Variants in KDM5C observed in about 807,000 individuals in gnomAD.
The protein encoded by KDM5C is lysine demethylase 5C.
In KDM5C, 16 loss-of-function variants were observed where a neutral mutation model predicts 110.6. That is an observed-to-expected ratio of 0.14 (90% CI 0.10 to 0.22). The LOEUF is 0.22. KDM5C is among the 10% of genes least tolerant of loss of function. The pLI, the probability that KDM5C is intolerant of heterozygous loss-of-function variation, is 1.00. For synonymous variants in KDM5C, 511 were observed against 520.4 expected (o/e 0.98, Z 0.24); for missense variants, 681 against 1,300.9 (o/e 0.52, Z 7.33).
At position 53,196,646 on chromosome X, in the gene KDM5C, T is replaced by C. The variant is rs782202700; in HGVS notation, c.2981+40A>G. ...CTGGGTCTCCACTCAACTTTGATGT[T>C]TGGAATAGGGCAGGGAAGGGAAGCA... On this transcript the variant is annotated intron_variant, in intron 19 of 25. Transcript: ENST00000375401. The C allele has an allele frequency of 2.5e-5, 28 of 1,131,108 alleles. No individual in the cohort carries two copies. The East Asian group carries it at 3.6e-4, about 15-fold the overall frequency. 93.2% of individuals were successfully genotyped at this position (1,131,108 alleles called of 1,213,427 possible). A position where few individuals can be genotyped will look rare whatever the true frequency, so the allele number is the denominator to read the frequency against.
chrX:53,200,188 C>T (rs1381228100), intron 14 of KDM5C, among the ~76,000 whole-genome samples: 1 of 111,556 alleles, frequency 9.0e-6, no homozygotes, highest in Non-Finnish European at 1.9e-5. Context: ...TTTACTAAGG[C>T]AGAAACTAAG....
intron 19 of KDM5C, among the ~76,000 whole-genome samples, 175 bp from the exon 20 acceptor site, chrX:53,196,229 A>G (rs1934843148): frequency 8.9e-6 from 1 of 112,475 alleles, no homozygotes; most frequent in Admixed American, 9.4e-5. Flanking sequence ...TGCTTCCCCA[A>G]GACTGCATGC....
At chrX:53,219,766 C>G (rs1556853860) in intron 2 of KDM5C, among the ~76,000 whole-genome samples, 1 of 112,705 alleles carries the variant, frequency 8.9e-6, no homozygotes, top group Non-Finnish European at 1.9e-5. Flanking sequence ...CCTTCAACCT[C>G]AGCCCCTTAG....
chrX:53,210,368 T>C, intron 12 of KDM5C, 46 bp downstream of exon 12: 1 of 1,198,208 alleles, frequency 8.3e-7, no homozygotes. Context: ...ACAAAGGACA[T>C]CACTAAATCA....
intron 1 of KDM5C, among the ~76,000 whole-genome samples, chrX:53,221,351 A>T (rs1261499364): frequency 8.9e-6 from 1 of 111,750 alleles, no homozygotes; most frequent in Non-Finnish European, 1.9e-5. Context: ...TTCATGTTCT[A>T]GATCCGCTAC....
intron 25 of KDM5C, among the ~76,000 whole-genome samples, chrX:53,182,442 A>G (rs1934094084): frequency 9.3e-6 from 1 of 107,733 alleles, no homozygotes; most frequent in African/African-American, 3.4e-5. Context: ...GGAAAGGCTC[A>G]CTGTAGCTGC....
intron 14 of KDM5C, among the ~76,000 whole-genome samples, chrX:53,200,863 G>A (rs965902748): frequency 1.8e-5 from 2 of 112,021 alleles, no homozygotes; most frequent in African/African-American, 6.5e-5. Flanking sequence ...ACACACAACT[G>A]ACACAAGCTT....
At chrX:53,215,640 T>G in intron 7 of KDM5C, 155 bp downstream of exon 7, 2 of 531,053 alleles carry the variant, frequency 3.8e-6, no homozygotes, top group South Asian at 5.4e-5. Flanking sequence ...TCCATATGAG[T>G]TGGCTTTGTT....
chrX:53,218,061 A>G, intron 3 of KDM5C, 95 bp from the exon 4 acceptor site: 1 of 961,090 alleles, frequency 1.0e-6, no homozygotes, highest in South Asian at 2.0e-5. Flanking sequence ...AATGAGGGCA[A>G]CTCTAGTCCC....
In KDM5C at chrX:53,195,038, C is replaced by T; in HGVS notation, c.3331G>A (p.Asp1111Asn). The stretch of plus-strand genomic sequence containing the variant: ...ATCCACCGGCTGCGCTTGGTGCTGT[C>T]TGAGCCGGCATCTGCACATGGGCAG... ...VLCPCADAGS[D>N]STKRSRWMEK... is the part of the protein sequence containing the mutation. The change falls in exon 22 of 26, where the codon GAC becomes AAC. Residue 1111 changes from aspartate to asparagine, a missense_variant. Physicochemically the swap from Asp to Asn is conservative, Grantham distance 23. Transcript: ENST00000375401. 1 of 1,209,389 alleles carries T rather than the reference C, an allele frequency of 8.3e-7. No homozygotes were observed. Among genetic ancestry groups the T allele is most frequent in the Non-Finnish European group, 1.1e-6 (1 of 894,359 alleles).
rs1468894142 is a variant in KDM5C, at chrX:53,218,720, C to T, written c.229-322G>A. On this transcript the variant is annotated intron_variant, in intron 2 of 25. Transcript: ENST00000375401. Reference sequence around the variant, plus strand: ...CCTCCTGAGTAGCTGGAACTATAGGCGCACGCCACCACGCCCGGCTAATTT... The same window carrying T: ...CCTCCTGAGTAGCTGGAACTATAGGTGCACGCCACCACGCCCGGCTAATTT... The T allele has an allele frequency of 4.7e-5, 17 of 358,589 alleles. No homozygotes were observed. The East Asian group carries it at 9.6e-4, about 20-fold the overall frequency. The allele number at this position is 358,589 out of a possible 1,213,427, so 29.6% of individuals were successfully genotyped here. A position where few individuals can be genotyped will look rare whatever the true frequency, so the allele number is the denominator to read the frequency against.
rs782211221 is a variant in KDM5C, at chrX:53,197,706, G to A, written c.2622+65C>T. 3.2e-5 allele frequency: 29 copies of A among 908,235 alleles called. No homozygotes were observed. The East Asian group carries it at 9.1e-4, about 28-fold the overall frequency. The allele number at this position is 908,235 out of a possible 1,213,427, so 74.8% of individuals were successfully genotyped here. On this transcript the variant is annotated intron_variant, in intron 18 of 25. Coordinates refer to ENST00000375401, the MANE Select transcript of KDM5C (RefSeq NM_004187.5). ...ACTTTAAGCTTTTGAAAGGAGCCAA[G>A]CATGGCCTGCTGCTCAGGTCCCCTG...
rs782769373 is a variant in KDM5C, at chrX:53,210,783, T to C, written c.1476A>G (p.Ala492=). The change falls in exon 11 of 26, where the codon GCA becomes GCG. Residue 492 remains alanine (A), a synonymous_variant. Coordinates refer to ENST00000375401, the MANE Select transcript of KDM5C (RefSeq NM_004187.5). ...AGGGCACCTTCATGCCAGAGATATC[T>C]GCATTGATGTGGCACAGTACAGACT... ...LEQSVLCHIN[A]DISGMKVPWL... 5 of 1,210,828 alleles carry C rather than the reference T, an allele frequency of 4.1e-6. No individual in the cohort carries two copies. Among genetic ancestry groups the C allele is most frequent in the Admixed American group, 2.2e-5 (1 of 46,043 alleles).
intron 25 of KDM5C, among the ~76,000 whole-genome samples, chrX:53,184,481 G>A (rs1934161268): frequency 1.8e-5 from 2 of 110,905 alleles, no homozygotes; most frequent in Admixed American, 9.6e-5. Flanking sequence ...GCTTCAAGCA[G>A]TCCTCCCACC....
chrX:53,218,199 C>G, intron 3 of KDM5C, 77 bp downstream of exon 3: 22 of 1,162,406 alleles, frequency 1.9e-5, no homozygotes, highest in Non-Finnish European at 2.5e-5. Flanking sequence ...ATCTAATATC[C>G]AAACTAAGGG....
In KDM5C at chrX:53,194,208, C is replaced by T. The variant is rs782110527; in HGVS notation, c.3969G>A (p.Glu1323=). The part of the protein sequence containing the change: ...QRLQAEPRPE[E]PPNYPAAPAS... The stretch of plus-strand genomic sequence containing the variant: ...CAGGGGCTGCAGGGTAGTTAGGAGG[C>T]TCCTCAGGTCTAGGTTCAGCCTGTA... Residue 1323 remains glutamate, a synonymous_variant, in exon 23 of 26, where the codon GAG becomes GAA. Coordinates refer to ENST00000375401, the MANE Select transcript of KDM5C (RefSeq NM_004187.5). 1.6e-5 allele frequency: 19 copies of T among 1,211,261 alleles called. No individual in the cohort carries two copies. Among genetic ancestry groups the T allele is most frequent in the Non-Finnish European group, 2.1e-5 (19 of 895,087 alleles).
chrX:53,191,220 TAA>T (rs1260246304), downstream of KDM5C: 2 of 167,620 alleles, frequency 1.2e-5, no homozygotes, highest in Non-Finnish European at 2.3e-5. Context: ...ACCCTCATCT[TAA>T]AGACTTTGGG....
At position 53,197,877 on chromosome X, in the gene KDM5C, C is replaced by T. The variant is rs782383505; in HGVS notation, c.2517-1G>A. 8.5e-7 allele frequency: 1 copy of T among 1,172,871 alleles called. No individual in the cohort carries two copies. Among genetic ancestry groups the T allele is most frequent in the Non-Finnish European group, 1.1e-6 (1 of 870,373 alleles). ...CTGTAGACCAGCCACCCTGTGGGGG[C>T]TATGAAGTATCACATGTGAGGTTTC... On this transcript the variant is annotated splice_acceptor_variant, in intron 17 of 25. Coordinates refer to ENST00000375401, the MANE Select transcript of KDM5C (RefSeq NM_004187.5). LOFTEE classifies it high-confidence loss of function.
chrX:53,206,907 G>A (rs2073351954), intron 12 of KDM5C, among the ~76,000 whole-genome samples: 1 of 95,042 alleles, frequency 1.1e-5, no homozygotes, highest in Admixed American at 1.2e-4. Context: ...AAGCACAGTG[G>A]CTCATGCCTG....
Sources: gnomAD v4.1 joint callset for allele counts (sites outside exome capture counted in the v4.1 genomes callset) on GRCh38, gnomAD v4.1.1 for gene constraint, MANE v1.5 for transcripts, NCBI Gene and HGNC (gene_info 2026-07-23, HGNC 2026-07-21) for gene names.